The following PPFIA1 variants were observed in gnomAD, a reference collection of about 807,000 sequenced individuals.
The protein encoded by PPFIA1 is PPFI scaffold protein A1.
PPFIA1 carries 25 observed loss-of-function variants against 149.9 expected under a neutral mutation model. The ratio of observed to expected loss-of-function variants is 0.17; its 90% CI spans 0.12 to 0.23. The LOEUF is 0.23. Ranked by LOEUF, PPFIA1 falls within the 10% of genes least tolerant of loss-of-function variation. PPFIA1 has a pLI of 1.00. For missense variants in PPFIA1, 1,362 were observed against 1,506.5 expected, an observed-to-expected ratio of 0.90 and a Z score of 1.59; for synonymous variants, 549 against 552.8, an observed-to-expected ratio of 0.99 and a Z score of 0.10.
chr11:70,326,791 C>T lies in PPFIA1; in HGVS notation c.903C>T (p.Asn301=), dbSNP rs750608248. The T allele has an allele frequency of 1.2e-6, 2 of 1,613,948 alleles. No individual in the cohort carries two copies. The highest frequency in any genetic ancestry group is 1.1e-5 in the South Asian group (1 of 91,068). The change falls in exon 7 of 28, where the codon AAC becomes AAT. Residue 301 remains asparagine, a synonymous_variant. Coordinates refer to ENST00000253925, the MANE Select transcript of PPFIA1 (RefSeq NM_003626.5). ...ATCTCATCAAATCTGAAGAAATGAACACAAAATTGCAACGAGATGTCCGTG... is the reference window on the plus strand; with the variant it reads ...ATCTCATCAAATCTGAAGAAATGAATACAAAATTGCAACGAGATGTCCGTG... ...RKDLIKSEEM[N]TKLQRDVREA... is the part of the protein sequence containing the mutation.
intron 11 of PPFIA1, 78 bp downstream of exon 11, chr11:70,335,772 T>C: frequency 6.5e-7 from 1 of 1,527,616 alleles, no homozygotes; most frequent in South Asian, 1.1e-5. Context: ...TGAGCAGGCG[T>C]GTGTAACAGT....
At position 70,272,649 on chromosome 11, in the gene PPFIA1, C is replaced by T. The variant is rs1460623423; in HGVS notation, c.264+213C>T. Among the ~76,000 whole-genome samples, 13 of 152,144 alleles carry T rather than the reference C, an allele frequency of 8.5e-5. No homozygotes were observed. In the East Asian group the frequency reaches 2.3e-3, roughly 27 times the overall value. On this transcript the variant is annotated intron_variant, in intron 2 of 27. Coordinates refer to ENST00000253925, the MANE Select transcript of PPFIA1 (RefSeq NM_003626.5). ...ACTCTAAAGTCATGTGAAAATACCT[C>T]ATTATTTTCATTCCTATCTTTGGGA... is the stretch of plus-strand genomic sequence containing the variant.
chr11:70,339,210 C>T lies in PPFIA1; in HGVS notation c.1611C>T (p.Pro537=). ...HLGSVPDFRF[P]MADGHTDSYS... The stretch of plus-strand genomic sequence containing the variant: ...GCAGTGTCCCAGATTTCAGGTTCCC[C>T]ATGGCAGACGGCCACACAGACTCCT... The change falls in exon 14 of 28, where the codon CCC becomes CCT. Residue 537 remains proline, a synonymous_variant. Transcript: ENST00000253925. 1 of 1,614,176 alleles carries T rather than the reference C, an allele frequency of 6.2e-7. No homozygotes were observed. Among genetic ancestry groups the T allele is most frequent in the Non-Finnish European group, 8.5e-7 (1 of 1,180,044 alleles).
chr11:70,286,867 A>G (rs1056061785), intron 2 of PPFIA1, among the ~76,000 whole-genome samples: 3 of 147,298 alleles, frequency 2.0e-5, no homozygotes, highest in Non-Finnish European at 4.4e-5. Context: ...AGAAGCTGGG[A>G]CTACAGGTGT....
chr11:70,277,058 A>ATTT lies in PPFIA1; in HGVS notation c.264+4623_264+4624insTTT, dbSNP rs34038893. Among the ~76,000 whole-genome samples the ATTT allele has an allele frequency of 6.7e-3, 351 of 52,498 alleles. 1 individual carries two copies. The highest frequency in any genetic ancestry group is 0.012 in the South Asian group (19 of 1,618). The allele number at this position is 52,498 out of a possible 152,430, so 34.4% of individuals were successfully genotyped here. ...TTGAGATATATATATATATATATATATATTTTTTTTTTTCCAGGCACAGTC... is the reference window on the plus strand; with the variant it reads ...TTGAGATATATATATATATATATATATTTTATTTTTTTTTTTCCAGGCACAGTC... On this transcript the variant is annotated intron_variant, in intron 2 of 27. Transcript: ENST00000253925.
chr11:70,300,535 AT>A (rs199605338), intron 2 of PPFIA1, among the ~76,000 whole-genome samples: 190 of 131,256 alleles, frequency 1.4e-3, no homozygotes, highest in South Asian at 2.3e-3. Context: ...TGCCCACCTA[AT>A]TTTTTTTTTT....
In PPFIA1 at chr11:70,372,410, T is replaced by G; in HGVS notation, c.3041+20T>G. The G allele has an allele frequency of 6.2e-7, 1 of 1,613,802 alleles. No homozygotes were observed. The highest frequency in any genetic ancestry group is 8.5e-7 in the Non-Finnish European group (1 of 1,179,748). On this transcript the variant is annotated intron_variant, in intron 22 of 27. Coordinates refer to ENST00000253925, the MANE Select transcript of PPFIA1 (RefSeq NM_003626.5). Reference sequence around the variant, plus strand: ...TCACAGGTAACTTAATGGAGATAGTTCTTAATAATTGGCTAAGATTTTTCA... The same window carrying G: ...TCACAGGTAACTTAATGGAGATAGTGCTTAATAATTGGCTAAGATTTTTCA...
At chr11:70,283,139 C>T (rs1375656365) in intron 2 of PPFIA1, among the ~76,000 whole-genome samples, 6 of 151,568 alleles carry the variant, frequency 4.0e-5, no homozygotes, top group East Asian at 1.9e-4. Flanking sequence ...CATGCCTGAC[C>T]GACTGACCGA....
rs1460840037 is a variant in PPFIA1, at chr11:70,291,287, A to G, written c.264+18851A>G. The stretch of plus-strand genomic sequence containing the variant: ...CATGAATGACAGCCGAGGTCATGGT[A>G]TCCTACATACCCTTAAAGAGAGATG... On this transcript the variant is annotated intron_variant, in intron 2 of 27. Coordinates refer to ENST00000253925, the MANE Select transcript of PPFIA1 (RefSeq NM_003626.5). Among the ~76,000 whole-genome samples the G allele has an allele frequency of 4.6e-5, 7 of 152,354 alleles. No homozygotes were observed. The South Asian group carries it at 8.3e-4, about 18-fold the overall frequency.
At chr11:70,349,929 C>T (rs763489634) in intron 16 of PPFIA1, 1 of 455,782 alleles carries the variant, frequency 2.2e-6, no homozygotes, top group South Asian at 1.5e-5. Context: ...TTAGCCATCT[C>T]CAGATTCATT....
chr11:70,345,865 G>A, intron 15 of PPFIA1: 1 of 281,008 alleles, frequency 3.6e-6, no homozygotes, highest in Non-Finnish European at 7.4e-6. Flanking sequence ...TGATGAGTGT[G>A]CGTACATCAG....
intron 2 of PPFIA1, among the ~76,000 whole-genome samples, chr11:70,289,500 C>T (rs2051381546): frequency 6.6e-6 from 1 of 152,158 alleles, no homozygotes; most frequent in African/African-American, 2.4e-5. Context: ...TTACAAACAA[C>T]CCTTCGAATG....
chr11:70,372,345 A>C lies in PPFIA1; in HGVS notation c.2996A>C (p.Lys999Thr). ...VDARMLDHLT[K>T]KDLRGQLKMV... is the part of the protein sequence containing the mutation. ...GCCAGGATGCTGGACCACTTGACCA[A>C]GAAAGACCTTCGAGGGCAGCTGAAA... The change falls in exon 22 of 28, where the codon AAG becomes ACG. Residue 999 changes from lysine to threonine, a missense_variant. Transcript: ENST00000253925. 1 of 1,614,258 alleles carries C rather than the reference A, an allele frequency of 6.2e-7. No homozygotes were observed. The highest frequency in any genetic ancestry group is 8.5e-7 in the Non-Finnish European group (1 of 1,180,048).
At chr11:70,346,766 C>T (rs2055728480) in intron 15 of PPFIA1, among the ~76,000 whole-genome samples, 1 of 152,142 alleles carries the variant, frequency 6.6e-6, no homozygotes, top group Non-Finnish European at 1.5e-5. Flanking sequence ...AGTGTTCTGT[C>T]CACTGACTTG....
intron 19 of PPFIA1, among the ~76,000 whole-genome samples, chr11:70,361,741 A>G (rs1381296736): frequency 1.3e-5 from 2 of 151,122 alleles, no homozygotes; most frequent in African/African-American, 4.9e-5. Flanking sequence ...TCAGCCTCCC[A>G]AGTAGCTGAG....
Position 70,333,540 on chromosome 11 carries a change from A to C in PPFIA1, c.1283A>C (p.Gln428Pro). The C allele has an allele frequency of 6.2e-7, 1 of 1,612,104 alleles. No homozygotes were observed. The highest frequency in any genetic ancestry group is 8.5e-7 in the Non-Finnish European group (1 of 1,179,144). The change falls in exon 10 of 28, where the codon CAA becomes CCA. Residue 428 changes from glutamine to proline, a missense_variant. Physicochemically the swap from Gln to Pro is moderately conservative, Grantham distance 76 (BLOSUM62 -1). Coordinates refer to ENST00000253925, the MANE Select transcript of PPFIA1 (RefSeq NM_003626.5). ...QMEAQLEEKN[Q>P]ELQRARQREK... Reference sequence around the variant, plus strand: ...GAAGCACAGTTGGAGGAGAAGAATCAAGAACTGCAGCGGGTGAGCATGCAG... The same window carrying C: ...GAAGCACAGTTGGAGGAGAAGAATCCAGAACTGCAGCGGGTGAGCATGCAG...
intron 15 of PPFIA1, among the ~76,000 whole-genome samples, chr11:70,347,157 T>G (rs954684365): frequency 2.6e-5 from 4 of 152,202 alleles, no homozygotes; most frequent in African/African-American, 7.2e-5. Context: ...TATATTAGAG[T>G]TCCTGATTTC....
At position 70,277,060 on chromosome 11, in the gene PPFIA1, A is replaced by ATATATTTT; in HGVS notation, c.264+4625_264+4626insATATTTTT. 5.7e-4 allele frequency among the ~76,000 whole-genome samples: 38 copies of ATATATTTT among 66,308 alleles called. 2 individuals carry two copies. The highest frequency in any genetic ancestry group is 4.1e-3 in the African/African-American group (35 of 8,534). 43.5% of individuals were successfully genotyped at this position (66,308 alleles called of 152,430 possible). ...GAGATATATATATATATATATATAT[A>ATATATTTT]TTTTTTTTTTTCCAGGCACAGTCTC... On this transcript the variant is annotated intron_variant, in intron 2 of 27. Coordinates refer to ENST00000253925, the MANE Select transcript of PPFIA1 (RefSeq NM_003626.5).
At chr11:70,295,611 C>T (rs1241379870) in intron 2 of PPFIA1, among the ~76,000 whole-genome samples, 5 of 143,990 alleles carry the variant, frequency 3.5e-5, no homozygotes, top group African/African-American at 1.1e-4. Flanking sequence ...CAGAGGGGCT[C>T]CTCACTTCCC....
Sources: allele counts gnomAD v4.1 joint callset (sites outside exome capture counted in the v4.1 genomes callset), GRCh38; gene constraint gnomAD v4.1.1; transcripts MANE v1.5; gene names NCBI Gene and HGNC (gene_info 2026-07-23, HGNC 2026-07-21).